The following PALLD variants were observed in gnomAD, a reference collection of about 807,000 sequenced individuals.
PALLD encodes palladin.
PALLD carries 61 observed loss-of-function variants against 123.5 expected under a neutral mutation model. The ratio of observed to expected loss-of-function variants is 0.49; its 90% CI spans 0.40 to 0.61. The LOEUF is 0.61. Ranked by LOEUF, PALLD falls within the 20% of genes least tolerant of loss-of-function variation. The pLI is 0.00. For missense variants in PALLD, 1,273 were observed against 1,377.0 expected (o/e 0.92, Z 1.20); for synonymous variants, 465 against 496.4 (o/e 0.94, Z 0.84).
chr4:168,683,215 A>T lies in PALLD; in HGVS notation c.1260+112A>T, dbSNP rs1486905764. On this transcript the variant is annotated intron_variant, in intron 5 of 21. Transcript: ENST00000505667. ...AGTATACTCCCTTGAAATATTTTCT[A>T]AGTGGACACAAAATTCAGAGCAAAG... The T allele has an allele frequency of 1.5e-5, 9 of 611,724 alleles. No homozygotes were observed. In the African/African-American group the frequency reaches 1.5e-4, roughly 10 times the overall value. 37.9% of individuals were successfully genotyped at this position (611,724 alleles called of 1,614,324 possible). A position where few individuals can be genotyped will look rare whatever the true frequency, so the allele number is the denominator to read the frequency against.
At chr4:168,553,230 G>A (rs905723686) in intron 2 of PALLD, among the ~76,000 whole-genome samples, 2 of 152,074 alleles carry the variant, frequency 1.3e-5, no homozygotes, top group Non-Finnish European at 2.9e-5. Flanking sequence ...TGTAAGAGAA[G>A]GAACCACAGC....
chr4:168,829,387 A>C (rs921199728), intron 10 of PALLD: 18 of 152,154 alleles, frequency 1.2e-4, no homozygotes, highest in Admixed American at 1.2e-3. Context: ...TCAACTCTCC[A>C]AGTCTATTCT....
intron 12 of PALLD, 121 bp downstream of exon 12, chr4:168,894,798 C>T: frequency 6.7e-7 from 1 of 1,501,842 alleles, no homozygotes; most frequent in Non-Finnish European, 9.0e-7. Context: ...CACAGAAAAG[C>T]AGTATTAATA....
chr4:168,918,327 T>TATATAC (rs1760674868), intron 17 of PALLD, among the ~76,000 whole-genome samples: 1 of 150,206 alleles, frequency 6.7e-6, no homozygotes, highest in Non-Finnish European at 1.5e-5. Flanking sequence ...AAATATGAGA[T>TATATAC]ATATATATAT....
intron 2 of PALLD, among the ~76,000 whole-genome samples, chr4:168,614,533 A>G (rs1774034514): frequency 6.6e-6 from 1 of 152,214 alleles, no homozygotes; most frequent in Admixed American, 6.5e-5. Flanking sequence ...TGGGACTCTG[A>G]TTAAAAAAAA....
chr4:168,764,215 T>G (rs1348360067), intron 10 of PALLD, among the ~76,000 whole-genome samples: 1 of 152,188 alleles, frequency 6.6e-6, no homozygotes, highest in Non-Finnish European at 1.5e-5. Flanking sequence ...AACGTATGAA[T>G]GAACAGAGGA....
rs1056786030 is a variant in PALLD, at chr4:168,627,254, A to G, written c.909-40936A>G. Among the ~76,000 whole-genome samples, 2 of 152,230 alleles carry G rather than the reference A, an allele frequency of 1.3e-5. 1 individual carries two copies. The highest frequency in any genetic ancestry group is 4.1e-4 in the South Asian group (2 of 4,834). Reference sequence around the variant, plus strand: ...GCCAGGCACGGTGGCTCATGCCTCTAATCCTAGCACTTTGGAAGGCTGAGG... The same window carrying G: ...GCCAGGCACGGTGGCTCATGCCTCTGATCCTAGCACTTTGGAAGGCTGAGG... On this transcript the variant is annotated intron_variant, in intron 2 of 21. Coordinates refer to ENST00000505667, the MANE Select transcript of PALLD (RefSeq NM_001166108.2).
At chr4:168,631,440 T>C (rs1011663125) in intron 2 of PALLD, among the ~76,000 whole-genome samples, 9 of 151,986 alleles carry the variant, frequency 5.9e-5, no homozygotes, top group Admixed American at 2.0e-4. Flanking sequence ...TTCTTACAAT[T>C]CCCCCCGCCC....
chr4:168,732,898 T>C (rs2150314030), intron 10 of PALLD, among the ~76,000 whole-genome samples: 1 of 152,302 alleles, frequency 6.6e-6, no homozygotes, highest in South Asian at 2.1e-4. Flanking sequence ...GAGCTCCACA[T>C]TCAGTAGTAG....
At chr4:168,612,814 G>C (rs1201925080) in intron 2 of PALLD, among the ~76,000 whole-genome samples, 1 of 152,108 alleles carries the variant, frequency 6.6e-6, no homozygotes, top group Non-Finnish European at 1.5e-5. Context: ...CCAGGGTCCT[G>C]GAGGCAAAAA....
At chr4:168,896,440 C>T (rs995872279) in intron 12 of PALLD, 109 bp from the exon 13 acceptor site, 1 of 707,862 alleles carries the variant, frequency 1.4e-6, no homozygotes, top group African/African-American at 1.8e-5. Flanking sequence ...CCGTTACTAC[C>T]AAACGCATAT....
At chr4:168,533,568 A>G (rs1182794946) in intron 2 of PALLD, among the ~76,000 whole-genome samples, 1 of 152,212 alleles carries the variant, frequency 6.6e-6, no homozygotes, top group Non-Finnish European at 1.5e-5. Flanking sequence ...GATGTTACGG[A>G]GAAGTCCATA....
chr4:168,795,466 C>T (rs1235954066), intron 10 of PALLD, among the ~76,000 whole-genome samples: 1 of 152,130 alleles, frequency 6.6e-6, no homozygotes. Context: ...ATATTGGTTG[C>T]TGTCAACAAA....
At chr4:168,521,836 G>A (rs1398544502) in intron 2 of PALLD, among the ~76,000 whole-genome samples, 1 of 152,228 alleles carries the variant, frequency 6.6e-6, no homozygotes, top group Non-Finnish European at 1.5e-5. Flanking sequence ...CCAGGAAGTA[G>A]TGGGATACTT....
chr4:168,825,114 C>A (rs1743249645), intron 10 of PALLD, among the ~76,000 whole-genome samples: 1 of 152,152 alleles, frequency 6.6e-6, no homozygotes, highest in South Asian at 2.1e-4. Flanking sequence ...CTGTGCCTGG[C>A]CAAATTCATT....
intron 2 of PALLD, among the ~76,000 whole-genome samples, chr4:168,554,004 C>G (rs546674709): frequency 6.6e-6 from 1 of 152,294 alleles, no homozygotes; most frequent in South Asian, 2.1e-4. Flanking sequence ...TTCCCTGAGT[C>G]CAAGGTCCGT....
chr4:168,562,124 G>A (rs1025719808), intron 2 of PALLD, among the ~76,000 whole-genome samples: 50 of 151,270 alleles, frequency 3.3e-4, no homozygotes, highest in Non-Finnish European at 7.4e-5. Flanking sequence ...TGCAGACACC[G>A]TACTTCTAAT....
intron 2 of PALLD, among the ~76,000 whole-genome samples, chr4:168,659,368 A>G (rs533417287): frequency 6.6e-6 from 1 of 152,258 alleles, no homozygotes; most frequent in South Asian, 2.1e-4. Context: ...TGGTTGCTTC[A>G]GTTTTCTTCA....
At chr4:168,574,498 GC>G (rs1722824998) in intron 2 of PALLD, among the ~76,000 whole-genome samples, 1 of 152,086 alleles carries the variant, frequency 6.6e-6, no homozygotes, top group Non-Finnish European at 1.5e-5. Context: ...ATGCAAGGCA[GC>G]ATATTGCAGT....
Sources: allele counts gnomAD v4.1 joint callset (sites outside exome capture counted in the v4.1 genomes callset), GRCh38; gene constraint gnomAD v4.1.1; transcripts MANE v1.5; gene names NCBI Gene and HGNC (gene_info 2026-07-23, HGNC 2026-07-21).